SPAG16: variants seen among roughly 807,000 people sequenced by gnomAD.
SPAG16 encodes sperm associated antigen 16.
Under a neutral mutation model 80.4 loss-of-function variants are expected in SPAG16, and 86 were observed. The ratio of observed to expected loss-of-function variants is 1.07; its 90% CI spans 0.90 to 1.28. The LOEUF (loss-of-function observed/expected upper bound fraction) is 1.28. SPAG16 is among the 50% of genes most tolerant of loss of function. The probability of loss-of-function intolerance (pLI) is 0.00; values close to 1 mark genes in which losing one functional copy is unlikely to be tolerated. For missense variants in SPAG16, 870 were observed against 765.3 expected, an observed-to-expected ratio of 1.14 and a Z score of -1.61; for synonymous variants, 294 against 265.9, an observed-to-expected ratio of 1.11 and a Z score of -1.03.
At chr2:213,646,155 GT>G (rs1156871216) in intron 10 of SPAG16, among the ~76,000 whole-genome samples, 8 of 152,166 alleles carry the variant, frequency 5.3e-5, no homozygotes, top group South Asian at 2.1e-4. Flanking sequence ...ATTCAAAACT[GT>G]TTTTCCTATC....
intron 15 of SPAG16, among the ~76,000 whole-genome samples, chr2:214,209,432 T>C (rs2058230076): frequency 6.6e-6 from 1 of 152,248 alleles, no homozygotes; most frequent in Non-Finnish European, 1.5e-5. Flanking sequence ...ACAGCATGCA[T>C]CAATCGAGAG....
At chr2:213,788,198 T>C (rs2070460351) in intron 10 of SPAG16, among the ~76,000 whole-genome samples, 1 of 151,946 alleles carries the variant, frequency 6.6e-6, no homozygotes, top group South Asian at 2.1e-4. Context: ...TTGTTTATCA[T>C]AGCAACTAAA....
chr2:214,263,596 A>G (rs746210264), intron 15 of SPAG16, among the ~76,000 whole-genome samples: 48 of 152,172 alleles, frequency 3.2e-4, no homozygotes, highest in Non-Finnish European at 3.1e-4. Flanking sequence ...ATAGATCAGA[A>G]TTATATTACA....
At chr2:213,838,059 G>T (rs189610233) in intron 10 of SPAG16, among the ~76,000 whole-genome samples, 1 of 152,036 alleles carries the variant, frequency 6.6e-6, no homozygotes, top group Non-Finnish European at 1.5e-5. Context: ...CCGTTCTTAC[G>T]GTTGTAAGAT....
At chr2:214,054,539 C>T (rs931134315) in intron 13 of SPAG16, among the ~76,000 whole-genome samples, 10 of 152,060 alleles carry the variant, frequency 6.6e-5, no homozygotes, top group African/African-American at 2.4e-4. Context: ...GCCTAACAGA[C>T]CCCAATGAAG....
At chr2:213,875,611 T>C (rs1386329951) in intron 11 of SPAG16, among the ~76,000 whole-genome samples, 1 of 152,124 alleles carries the variant, frequency 6.6e-6, no homozygotes, top group Non-Finnish European at 1.5e-5. Flanking sequence ...CTCTTTTGGG[T>C]CTTACATTTA....
At chr2:213,485,416 C>A (rs1163418438) in intron 9 of SPAG16, among the ~76,000 whole-genome samples, 1 of 152,068 alleles carries the variant, frequency 6.6e-6, no homozygotes, top group Non-Finnish European at 1.5e-5. Flanking sequence ...TTCCTTTTGG[C>A]TTATCTATCT....
chr2:214,249,306 T>TAAA (rs1378976626), intron 15 of SPAG16, among the ~76,000 whole-genome samples: 1 of 152,144 alleles, frequency 6.6e-6, no homozygotes, highest in Non-Finnish European at 1.5e-5. Flanking sequence ...TTTGTGAACA[T>TAAA]AAAAATGCAT....
intron 15 of SPAG16, chr2:214,238,633 T>C (rs1689239153): frequency 6.7e-6 from 1 of 149,944 alleles, no homozygotes; most frequent in Non-Finnish European, 1.5e-5. Context: ...TAAGTGAATA[T>C]TGCATGAATT....
intron 5 of SPAG16, among the ~76,000 whole-genome samples, chr2:213,324,444 C>A (rs1475554049): frequency 3.9e-5 from 6 of 152,130 alleles, no homozygotes; most frequent in Non-Finnish European, 7.4e-5. Context: ...TCTGTCCCAG[C>A]AATCACTTTT....
chr2:213,605,919 A>G (rs2061244765), intron 10 of SPAG16, among the ~76,000 whole-genome samples: 1 of 152,250 alleles, frequency 6.6e-6, no homozygotes, highest in South Asian at 2.1e-4. Flanking sequence ...ATCAGGATAT[A>G]TAATAGACCA....
chr2:214,102,419 C>A (rs538190958), intron 13 of SPAG16, among the ~76,000 whole-genome samples: 9 of 152,106 alleles, frequency 5.9e-5, no homozygotes, highest in Admixed American at 3.9e-4. Context: ...AGGGATGTGA[C>A]ACAGTGGAAG....
At chr2:214,097,506 C>T (rs2052671517) in intron 13 of SPAG16, among the ~76,000 whole-genome samples, 2 of 151,920 alleles carry the variant, frequency 1.3e-5, no homozygotes, top group Non-Finnish European at 2.9e-5. Context: ...TGTGACATTC[C>T]ATTATTAGGG....
chr2:213,700,887 A>G (rs1345436693), intron 10 of SPAG16, among the ~76,000 whole-genome samples: 1 of 152,140 alleles, frequency 6.6e-6, no homozygotes, highest in Non-Finnish European at 1.5e-5. Context: ...TGGCTCACAC[A>G]TATAATCCCA....
At chr2:213,625,080 A>T (rs1199559104) in intron 10 of SPAG16, among the ~76,000 whole-genome samples, 6 of 152,208 alleles carry the variant, frequency 3.9e-5, no homozygotes, top group Non-Finnish European at 7.3e-5. Context: ...GGCTTGAGCC[A>T]CCACACCCGG....
chr2:213,376,688 T>A (rs2066898275), intron 9 of SPAG16, among the ~76,000 whole-genome samples: 2 of 152,134 alleles, frequency 1.3e-5, no homozygotes, highest in East Asian at 3.8e-4. Flanking sequence ...TGATTTGAAT[T>A]ATATTATTAT....
At chr2:213,530,212 C>T (rs996264676) in intron 10 of SPAG16, among the ~76,000 whole-genome samples, 3 of 152,180 alleles carry the variant, frequency 2.0e-5, no homozygotes, top group African/African-American at 7.2e-5. Context: ...ACAGCATTAT[C>T]ATTACCGAGT....
At chr2:214,317,720 C>T (rs760692707) in intron 15 of SPAG16, among the ~76,000 whole-genome samples, 1 of 152,162 alleles carries the variant, frequency 6.6e-6, no homozygotes, top group Non-Finnish European at 1.5e-5. Flanking sequence ...ACTATATTCC[C>T]AGGCATTAGA....
At chr2:213,461,420 G>A (rs970345028) in intron 9 of SPAG16, among the ~76,000 whole-genome samples, 4 of 152,134 alleles carry the variant, frequency 2.6e-5, no homozygotes, top group Admixed American at 1.3e-4. Context: ...AGTGCCATTC[G>A]ATGGTAATAC....
Sources: allele counts gnomAD v4.1 joint callset (sites outside exome capture counted in the v4.1 genomes callset), GRCh38; gene constraint gnomAD v4.1.1; transcripts MANE v1.5; gene names NCBI Gene and HGNC (gene_info 2026-07-23, HGNC 2026-07-21).